Variants in CBFA2T3 observed in about 807,000 individuals in gnomAD.
CBFA2T3 encodes the protein CBFA2/RUNX1 partner transcriptional co-repressor 3.
In CBFA2T3, 31 loss-of-function variants were observed where a neutral mutation model predicts 58.6. The ratio of observed to expected loss-of-function variants is 0.53; its 90% CI spans 0.40 to 0.71. The LOEUF is 0.71. Ranked by LOEUF, CBFA2T3 falls within the 30% of genes least tolerant of loss-of-function variation. CBFA2T3 has a pLI of 0.00. For missense variants in CBFA2T3, 1,076 were observed against 963.1 expected (o/e 1.12, Z -1.55); for synonymous variants, 531 against 421.9 (o/e 1.26, Z -3.17).
intron 1 of CBFA2T3, among the ~76,000 whole-genome samples, chr16:88,916,295 C>T (rs1382624100): frequency 2.5e-5 from 3 of 117,962 alleles, no homozygotes; most frequent in Admixed American, 8.6e-5. Flanking sequence ...CTTACATATA[C>T]ATGTGGGTGT....
intron 1 of CBFA2T3, among the ~76,000 whole-genome samples, chr16:88,973,078 AAGG>A (rs1377307853): frequency 3.9e-5 from 6 of 152,294 alleles, no homozygotes; most frequent in Admixed American, 1.3e-4. Flanking sequence ...CCTGCGGCTG[AAGG>A]AGGAGTCGGG....
intron 1 of CBFA2T3, among the ~76,000 whole-genome samples, chr16:88,926,958 T>C (rs1971102793): frequency 2.0e-5 from 3 of 152,098 alleles, no homozygotes; most frequent in Admixed American, 2.0e-4. Context: ...TCCTCACTGG[T>C]CCTGGAGGTG....
intron 1 of CBFA2T3, among the ~76,000 whole-genome samples, chr16:88,969,140 C>G (rs554357908): frequency 6.6e-6 from 1 of 152,198 alleles, no homozygotes; most frequent in South Asian, 2.1e-4. Flanking sequence ...CAGCCTGGCC[C>G]GGATGCCGCC....
chr16:88,958,961 G>A lies in CBFA2T3; in HGVS notation c.151+17696C>T, dbSNP rs1038094368. ...GAGGGCTGATTCCTCTCTCTGCCCCGACCCCTGGCAACCCTGTCAGCTGCT... is the reference window on the plus strand; with the variant it reads ...GAGGGCTGATTCCTCTCTCTGCCCCAACCCCTGGCAACCCTGTCAGCTGCT... On this transcript the variant is annotated intron_variant, in intron 1 of 11. Coordinates refer to ENST00000268679, the MANE Select transcript of CBFA2T3 (RefSeq NM_005187.6). This position sits in a 1 kb window ranked among gnomAD's most constrained non-coding sequence, Gnocchi z 4.0. Among the ~76,000 whole-genome samples, 1 of 152,130 alleles carries A rather than the reference G, an allele frequency of 6.6e-6. No individual in the cohort carries two copies. The highest frequency in any genetic ancestry group is 2.4e-5 in the African/African-American group (1 of 41,422).
In CBFA2T3 at chr16:88,879,251, C is replaced by A; in HGVS notation, c.1662+19G>T. 6.4e-7 allele frequency: 1 copy of A among 1,573,656 alleles called. No homozygotes were observed. Among genetic ancestry groups the A allele is most frequent in the South Asian group, 1.1e-5 (1 of 89,152 alleles). ...AGCCGAGGCAGGGGATGGGTGTCAG[C>A]GTGGCCGGGTGGCCCTACCTCGCTG... On this transcript the variant is annotated intron_variant, in intron 11 of 11. Transcript: ENST00000268679.
chr16:88,900,739 C>T (rs758935092), intron 2 of CBFA2T3, among the ~76,000 whole-genome samples: 15 of 152,338 alleles, frequency 9.8e-5, no homozygotes, highest in Non-Finnish European at 1.9e-4. Context: ...TGCCACCCCG[C>T]CGGCCCAGCA....
chr16:88,959,340 G>A (rs1972306229), intron 1 of CBFA2T3, among the ~76,000 whole-genome samples: 1 of 152,174 alleles, frequency 6.6e-6, no homozygotes, highest in Non-Finnish European at 1.5e-5. Flanking sequence ...GGAGAGAGTT[G>A]AAGTAGTCCT....
At chr16:88,964,280 G>T (rs1382336019) in intron 1 of CBFA2T3, among the ~76,000 whole-genome samples, 1 of 152,208 alleles carries the variant, frequency 6.6e-6, no homozygotes. Flanking sequence ...CCTGGGGCAG[G>T]CCCCATGCCC....
intron 1 of CBFA2T3, among the ~76,000 whole-genome samples, chr16:88,926,841 G>A (rs1190423988): frequency 6.6e-6 from 1 of 152,214 alleles, no homozygotes; most frequent in East Asian, 1.9e-4. Context: ...GGCCTTCCGT[G>A]CCTGTCCCTT....
chr16:88,899,500 C>A (rs931708727), intron 2 of CBFA2T3, among the ~76,000 whole-genome samples: 28 of 152,162 alleles, frequency 1.8e-4, no homozygotes, highest in African/African-American at 6.5e-4. Flanking sequence ...AAAACATGAC[C>A]CCAAGGCGGG....
chr16:88,906,337 G>A (rs1215743105), intron 1 of CBFA2T3, among the ~76,000 whole-genome samples: 2 of 152,150 alleles, frequency 1.3e-5, no homozygotes, highest in Non-Finnish European at 2.9e-5. Flanking sequence ...TTCGAGGCTC[G>A]GAGGCCCCGT....
intron 1 of CBFA2T3, among the ~76,000 whole-genome samples, chr16:88,930,920 G>A (rs1266376010): frequency 5.3e-5 from 8 of 151,812 alleles, no homozygotes; most frequent in African/African-American, 7.3e-5. Context: ...GTGTGGGAGC[G>A]AGCTGGCGGG....
chr16:88,951,716 C>T (rs372648665), intron 1 of CBFA2T3, among the ~76,000 whole-genome samples: 6 of 152,116 alleles, frequency 3.9e-5, no homozygotes, highest in East Asian at 1.9e-4. Flanking sequence ...GGTGACCACA[C>T]GCGGCCAATC....
chr16:88,904,732 C>T (rs1180322303), intron 1 of CBFA2T3, among the ~76,000 whole-genome samples: 3 of 151,252 alleles, frequency 2.0e-5, no homozygotes, highest in African/African-American at 4.9e-5. Flanking sequence ...CCGGATTGTG[C>T]GGGGGCAGCT....
At chr16:88,949,096 C>T (rs963098463) in intron 1 of CBFA2T3, among the ~76,000 whole-genome samples, 1 of 152,200 alleles carries the variant, frequency 6.6e-6, no homozygotes, top group African/African-American at 2.4e-5. Flanking sequence ...ATGTGAAAAA[C>T]TGGAACAGTG....
At chr16:88,887,561 G>C (rs1244211066) in intron 5 of CBFA2T3, among the ~76,000 whole-genome samples, 1 of 152,154 alleles carries the variant, frequency 6.6e-6, no homozygotes, top group East Asian at 1.9e-4. Context: ...AAAGGGTGCA[G>C]AGAACCCAGG....
At chr16:88,919,871 T>C (rs57511506) in intron 1 of CBFA2T3, among the ~76,000 whole-genome samples, 10,193 of 152,270 alleles carry the variant, frequency 0.067, 872 homozygotes, top group African/African-American at 0.2. Context: ...CCTCGGTTCC[T>C]TCATCTGCAC....
chr16:88,882,685 G>A lies in CBFA2T3; in HGVS notation c.1194C>T (p.His398=). 2 of 1,583,176 alleles carry A rather than the reference G, an allele frequency of 1.3e-6. No homozygotes were observed. The highest frequency in any genetic ancestry group is 1.7e-6 in the Non-Finnish European group (2 of 1,164,138). ...TEREWAEEWK[H]LNNLLNCIMD... The stretch of plus-strand genomic sequence containing the variant: ...GTGTGTGGACACTCACGTTGTTGAG[G>A]TGCTTCCACTCTTCTGCCCACTCAC... The change falls in exon 8 of 12, where the codon CAC becomes CAT. Residue 398 remains histidine (H), a synonymous_variant. Transcript: ENST00000268679.
At chr16:88,878,645 C>T (rs1968932630) in intron 11 of CBFA2T3, among the ~76,000 whole-genome samples, 1 of 152,188 alleles carries the variant, frequency 6.6e-6, no homozygotes, top group Non-Finnish European at 1.5e-5. Flanking sequence ...TTCTCACAGG[C>T]TAGAGAACAC....
Sources: gnomAD v4.1 joint callset for allele counts (sites outside exome capture counted in the v4.1 genomes callset) on GRCh38, gnomAD v4.1.1 for gene constraint, Gnocchi (gnomAD v3.1) non-coding constraint, MANE v1.5 for transcripts, NCBI Gene and HGNC (gene_info 2026-07-23, HGNC 2026-07-21) for gene names.